The following FAM3C variants were observed in gnomAD, a reference collection of about 807,000 sequenced individuals.
FAM3C encodes protein FAM3C.
In FAM3C, 15 loss-of-function variants were observed where a neutral mutation model predicts 32.5. That is an observed-to-expected ratio of 0.46 (90% CI 0.31 to 0.71). FAM3C has a LOEUF of 0.71. FAM3C is among the 30% of genes least tolerant of loss of function. The pLI is 0.05. For synonymous variants in FAM3C, 75 were observed against 86.1 expected, an observed-to-expected ratio of 0.87 and a Z score of 0.72; for missense variants, 175 against 274.4, an observed-to-expected ratio of 0.64 and a Z score of 2.56.
intron 7 of FAM3C, among the ~76,000 whole-genome samples, chr7:121,360,553 C>T (rs1793898714): frequency 6.6e-6 from 1 of 152,134 alleles, no homozygotes; most frequent in Non-Finnish European, 1.5e-5. Context: ...ATTGTATGGG[C>T]TGAGCACAGT....
chr7:121,379,416 TG>T (rs1260399070), intron 2 of FAM3C, among the ~76,000 whole-genome samples: 14 of 151,916 alleles, frequency 9.2e-5, no homozygotes, highest in Non-Finnish European at 1.8e-4. Context: ...GTGGAACTTC[TG>T]GGGATGCTAA....
intron 4 of FAM3C, among the ~76,000 whole-genome samples, 188 bp downstream of exon 4, chr7:121,371,922 C>G (rs948901465): frequency 1.3e-5 from 2 of 152,110 alleles, no homozygotes; most frequent in Non-Finnish European, 2.9e-5. Context: ...CTAAAAAACA[C>G]AAAATATCCA....
In FAM3C at chr7:121,389,590, T is replaced by C. The variant is rs192155711; in HGVS notation, c.-42+6572A>G. 7.2e-5 allele frequency among the ~76,000 whole-genome samples: 11 copies of C among 152,292 alleles called. No homozygotes were observed. The East Asian group carries it at 2.1e-3, about 29-fold the overall frequency. On this transcript the variant is annotated intron_variant, in intron 1 of 9. Transcript: ENST00000359943. The stretch of plus-strand genomic sequence containing the variant: ...ACCCAATATGCCACTACAGCATTTC[T>C]GAGTTGGCAGCCAGAGTTCAGGTTT...
chr7:121,378,816 GT>G (rs1794293311), intron 3 of FAM3C, 93 bp downstream of exon 3: 1 of 541,308 alleles, frequency 1.8e-6, no homozygotes, highest in Non-Finnish European at 3.3e-6. Flanking sequence ...ATCACATTTC[GT>G]TTTCTAGCAC....
At chr7:121,363,564 T>G (rs78798770) in intron 6 of FAM3C, among the ~76,000 whole-genome samples, 5,343 of 152,192 alleles carry the variant, frequency 0.035, 189 homozygotes, top group South Asian at 0.14. Flanking sequence ...CTTATAACCA[T>G]CCTACATAGC....
chr7:121,376,876 C>A (rs1794246668), intron 3 of FAM3C, among the ~76,000 whole-genome samples: 3 of 152,136 alleles, frequency 2.0e-5, no homozygotes, highest in Non-Finnish European at 4.4e-5. Flanking sequence ...AGGCCCCACT[C>A]CAGACACTAA....
intron 1 of FAM3C, among the ~76,000 whole-genome samples, chr7:121,383,535 G>A (rs1794404333): frequency 6.6e-6 from 1 of 152,088 alleles, no homozygotes; most frequent in Admixed American, 6.6e-5. Flanking sequence ...CAATACCAGG[G>A]ACCTCTTCAT....
At chr7:121,350,783 C>G (rs2536182) in intron 9 of FAM3C, among the ~76,000 whole-genome samples, 77,856 of 151,990 alleles carry the variant, frequency 0.51, 21,818 homozygotes, top group African/African-American at 0.74. Flanking sequence ...TTATTTGCTA[C>G]TCAAAAACTA....
chr7:121,392,473 G>A (rs760420346), intron 1 of FAM3C, among the ~76,000 whole-genome samples: 6 of 152,104 alleles, frequency 3.9e-5, no homozygotes, highest in African/African-American at 7.2e-5. Flanking sequence ...GGGGGAAGCC[G>A]CCCTCATGAT....
At chr7:121,378,075 A>C (rs2116934721) in intron 3 of FAM3C, among the ~76,000 whole-genome samples, 1 of 152,354 alleles carries the variant, frequency 6.6e-6, no homozygotes, top group Middle Eastern at 3.4e-3. Context: ...TAGAAAAGAA[A>C]TGCATACTTC....
intron 2 of FAM3C, among the ~76,000 whole-genome samples, chr7:121,382,351 GAACA>G (rs1794374303): frequency 6.6e-6 from 1 of 152,016 alleles, no homozygotes; most frequent in Admixed American, 6.6e-5. Flanking sequence ...GATTAAACTT[GAACA>G]AATACTGAGC....
chr7:121,362,710 G>T, intron 7 of FAM3C, 187 bp downstream of exon 7: 1 of 533,266 alleles, frequency 1.9e-6, no homozygotes, highest in Non-Finnish European at 3.3e-6. Context: ...TTTTTTCTAA[G>T]AAGAAGAAAG....
At chr7:121,371,241 G>A (rs1050411152) in intron 5 of FAM3C, 59 bp downstream of exon 5, 1 of 1,573,758 alleles carries the variant, frequency 6.4e-7, no homozygotes, top group Non-Finnish European at 8.7e-7. Context: ...ATTAAACTCA[G>A]GTTCAATTGG....
At chr7:121,395,268 T>C (rs1274563474) in intron 1 of FAM3C, among the ~76,000 whole-genome samples, 1 of 139,662 alleles carries the variant, frequency 7.2e-6, no homozygotes, top group Non-Finnish European at 1.5e-5. Context: ...TACATATATA[T>C]GGATACATAC....
chr7:121,363,350 T>G (rs1793964422), intron 6 of FAM3C, among the ~76,000 whole-genome samples: 1 of 152,148 alleles, frequency 6.6e-6, no homozygotes, highest in Non-Finnish European at 1.5e-5. Context: ...ATTTTCTACA[T>G]TAAATCAGTT....
In FAM3C at chr7:121,383,684, TCAA is replaced by T. The variant is rs566595748; in HGVS notation, c.-41-677_-41-675del. Among the ~76,000 whole-genome samples, 49 of 152,272 alleles carry T rather than the reference TCAA, an allele frequency of 3.2e-4. No individual in the cohort carries two copies. In the South Asian group the frequency reaches 9.3e-3, roughly 29 times the overall value. Reference sequence around the variant, plus strand: ...ACTGTTCTTTGATATTACTGTAAGATCAACAGGAAACAGATGCTGGAAAAAAAT... The same window carrying T: ...ACTGTTCTTTGATATTACTGTAAGATCAGGAAACAGATGCTGGAAAAAAAT... On this transcript the variant is annotated intron_variant, in intron 1 of 9. Transcript: ENST00000359943.
Position 121,379,117 on chromosome 7 carries a change from C to T in FAM3C, c.14-103G>A. 6.1e-6 allele frequency: 4 copies of T among 653,960 alleles called. No homozygotes were observed. In the East Asian group the frequency reaches 1.2e-4, roughly 20 times the overall value. 40.5% of individuals were successfully genotyped at this position (653,960 alleles called of 1,614,324 possible). ...TAAATTTTTTAAGATCAATACATTTCTACTTTGTATCTATTAGATCTTAAT... is the reference window on the plus strand; with the variant it reads ...TAAATTTTTTAAGATCAATACATTTTTACTTTGTATCTATTAGATCTTAAT... On this transcript the variant is annotated intron_variant, in intron 2 of 9. Transcript: ENST00000359943.
At chr7:121,383,033 A>T in intron 1 of FAM3C, 23 bp from the exon 2 acceptor site, 2 of 1,277,858 alleles carry the variant, frequency 1.6e-6, no homozygotes, top group Non-Finnish European at 2.3e-6. Context: ...AACAAAAAGC[A>T]AATATCATTA....
Position 121,364,163 on chromosome 7 carries a change from CA to C in FAM3C, c.297del (p.Asn99LysfsTer19). On this transcript the variant is annotated frameshift_variant, in exon 6 of 10. Coordinates refer to ENST00000359943, the MANE Select transcript of FAM3C (RefSeq NM_014888.3). LOFTEE classifies it high-confidence loss of function. The part of the protein sequence containing the change: ...DNVLMSGVKN[N>X]VGRGINVALA... ...AAGGCAACATTGATCCCTCTTCCAACATTATTCTTAACACCACTCATTAAAC... is the reference window on the plus strand; with the variant it reads ...AAGGCAACATTGATCCCTCTTCCAACTTATTCTTAACACCACTCATTAAAC... 6.2e-7 allele frequency: 1 copy of C among 1,600,776 alleles called. No homozygotes were observed. The highest frequency in any genetic ancestry group is 8.6e-7 in the Non-Finnish European group (1 of 1,168,244).
Sources: gnomAD v4.1 joint callset for allele counts (sites outside exome capture counted in the v4.1 genomes callset) on GRCh38, gnomAD v4.1.1 for gene constraint, MANE v1.5 for transcripts, NCBI Gene and HGNC (gene_info 2026-07-23, HGNC 2026-07-21) for gene names.